LARGE1: variants seen among roughly 807,000 people sequenced by gnomAD.
LARGE1 encodes the protein LARGE xylosyl- and glucuronyltransferase 1.
A neutral mutation model predicts 87.6 loss-of-function variants in LARGE1; 43 were observed. The observed-to-expected ratio is 0.49, with a 90% CI of 0.38 to 0.63. The LOEUF (loss-of-function observed/expected upper bound fraction) is 0.63. Ranked by LOEUF, LARGE1 falls within the 30% of genes least tolerant of loss-of-function variation. LARGE1 has a pLI of 0.00. For synonymous variants in LARGE1, 434 were observed against 394.6 expected (o/e 1.10, Z -1.18); for missense variants, 802 against 1,000.2 (o/e 0.80, Z 2.67).
At chr22:33,492,137 G>T (rs1159083877) in intron 6 of LARGE1, among the ~76,000 whole-genome samples, 1 of 152,196 alleles carries the variant, frequency 6.6e-6, no homozygotes, top group Non-Finnish European at 1.5e-5. Flanking sequence ...GACTGATGGG[G>T]CCTTGTCGGC....
intron 2 of LARGE1, among the ~76,000 whole-genome samples, chr22:33,673,161 T>G (rs240359): frequency 1 from 152,247 of 152,248 alleles, 76,123 homozygotes; most frequent in Non-Finnish European, 1. Flanking sequence ...TGTAATCCCA[T>G]CTACTCGGGA....
chr22:33,812,656 TC>T (rs912782347), intron 1 of LARGE1, among the ~76,000 whole-genome samples: 6 of 152,220 alleles, frequency 3.9e-5, no homozygotes, highest in Non-Finnish European at 8.8e-5. Flanking sequence ...TCTGCAATGA[TC>T]CCCTTGGGGT....
At chr22:33,363,444 A>G (rs1261508905) in intron 9 of LARGE1, among the ~76,000 whole-genome samples, 1 of 149,450 alleles carries the variant, frequency 6.7e-6, no homozygotes, top group East Asian at 1.9e-4. Flanking sequence ...TTATAAAACC[A>G]TCAGATCTCA....
chr22:33,341,125 C>T lies in LARGE1; in HGVS notation c.1132-3324G>A, dbSNP rs189873266. On this transcript the variant is annotated intron_variant, in intron 9 of 14. Transcript: ENST00000397394. The stretch of plus-strand genomic sequence containing the variant: ...TGATGACATTAGGAGGTGGGATCTT[C>T]GAGAAGTCATTAGGTCACAAGGGAA... Among the ~76,000 whole-genome samples, 14 of 152,080 alleles carry T rather than the reference C, an allele frequency of 9.2e-5. No individual in the cohort carries two copies. The East Asian group carries it at 1.6e-3, about 17-fold the overall frequency.
downstream of LARGE1, among the ~76,000 whole-genome samples, chr22:33,267,892 G>A (rs1928035785): frequency 6.6e-6 from 1 of 151,458 alleles, no homozygotes; most frequent in South Asian, 2.1e-4. Flanking sequence ...TGGGGAGGGT[G>A]AAGATTCAAA....
chr22:33,713,981 C>T (rs1167434719), intron 2 of LARGE1, among the ~76,000 whole-genome samples: 2 of 113,316 alleles, frequency 1.8e-5, no homozygotes, highest in Non-Finnish European at 3.8e-5. Flanking sequence ...CGTAACATAA[C>T]GTAACATAAC....
intron 11 of LARGE1, among the ~76,000 whole-genome samples, chr22:33,205,116 C>T (rs1602090051): frequency 2.0e-5 from 3 of 152,184 alleles, no homozygotes; most frequent in East Asian, 3.9e-4. Flanking sequence ...ATTATTTCCA[C>T]CCAAAATCAT....
intron 1 of LARGE1, among the ~76,000 whole-genome samples, chr22:33,866,703 T>C (rs1313165275): frequency 1.3e-5 from 2 of 152,212 alleles, no homozygotes; most frequent in Admixed American, 6.5e-5. Context: ...AGCCCTAGAA[T>C]GGACGACAGA....
intron 6 of LARGE1, among the ~76,000 whole-genome samples, chr22:33,515,020 GAA>G (rs2071234364): frequency 1.3e-5 from 2 of 150,754 alleles, no homozygotes; most frequent in Middle Eastern, 6.9e-3. Flanking sequence ...TTTTGCTATT[GAA>G]AATAAAAACA....
intron 6 of LARGE1, among the ~76,000 whole-genome samples, chr22:33,532,077 A>G (rs1376479414): frequency 2.0e-5 from 3 of 152,250 alleles, no homozygotes; most frequent in Non-Finnish European, 4.4e-5. Context: ...GCACAGAGTG[A>G]GCATTTAATT....
chr22:33,795,863 G>A (rs1290247660), intron 1 of LARGE1, among the ~76,000 whole-genome samples: 2 of 151,994 alleles, frequency 1.3e-5, no homozygotes, highest in South Asian at 4.2e-4. Flanking sequence ...GTGGGGGGAG[G>A]TGGGAGAGAT....
intron 6 of LARGE1, among the ~76,000 whole-genome samples, chr22:33,541,748 A>T (rs74733633): frequency 1.1e-4 from 5 of 45,498 alleles, no homozygotes; most frequent in Admixed American, 3.0e-4. Flanking sequence ...TCCAAAAATT[A>T]AAAAAAAAAA....
chr22:33,830,500 A>G (rs2146327276), intron 1 of LARGE1, among the ~76,000 whole-genome samples: 1 of 152,262 alleles, frequency 6.6e-6, no homozygotes, highest in South Asian at 2.1e-4. Context: ...TCTGCTACTT[A>G]TCAGCTGTGT....
chr22:33,588,274 C>T (rs1454612717), intron 5 of LARGE1, among the ~76,000 whole-genome samples: 2 of 152,294 alleles, frequency 1.3e-5, no homozygotes, highest in East Asian at 3.9e-4. Flanking sequence ...CAAATAAGTA[C>T]ACAAGGATCA....
At chr22:33,337,441 C>G (rs1333968018) in intron 10 of LARGE1, among the ~76,000 whole-genome samples, 1 of 152,148 alleles carries the variant, frequency 6.6e-6, no homozygotes, top group Non-Finnish European at 1.5e-5. Context: ...ACCAAACATA[C>G]CCTGTCTGCA....
At chr22:33,161,051 A>G (rs777355074), downstream of LARGE1, among the ~76,000 whole-genome samples, 1 of 152,188 alleles carries the variant, frequency 6.6e-6, no homozygotes, top group African/African-American at 2.4e-5. Context: ...ACAGTTTAGC[A>G]TGGCTGGGGA....
chr22:33,799,599 C>A (rs1291478865), intron 1 of LARGE1, among the ~76,000 whole-genome samples: 1 of 152,068 alleles, frequency 6.6e-6, no homozygotes, highest in East Asian at 1.9e-4. Flanking sequence ...CACCACCACG[C>A]CCGGCTAATT....
At chr22:33,568,307 C>G (rs1410975094) in intron 5 of LARGE1, among the ~76,000 whole-genome samples, 1 of 152,206 alleles carries the variant, frequency 6.6e-6, no homozygotes, top group Non-Finnish European at 1.5e-5. Flanking sequence ...CCAGTCAACC[C>G]TAACGGAAAC....
At chr22:33,303,695 C>T (rs1234103669) in intron 12 of LARGE1, among the ~76,000 whole-genome samples, 2 of 152,062 alleles carry the variant, frequency 1.3e-5, no homozygotes, top group African/African-American at 4.8e-5. Context: ...AATCTCGGCT[C>T]ACTGCAACCT....
Sources: gnomAD v4.1 joint callset for allele counts (sites outside exome capture counted in the v4.1 genomes callset) on GRCh38, gnomAD v4.1.1 for gene constraint, MANE v1.5 for transcripts, NCBI Gene and HGNC (gene_info 2026-07-23, HGNC 2026-07-21) for gene names.